Variants in MDGA2 observed in about 807,000 individuals in gnomAD.
The protein encoded by MDGA2 is MAM domain containing glycosylphosphatidylinositol anchor 2, also known as MAM domain-containing glycosylphosphatidylinositol anchor protein 2.
A neutral mutation model predicts 117.8 loss-of-function variants in MDGA2; 40 were observed. The observed-to-expected ratio is 0.34, with a 90% confidence interval of 0.26 to 0.44. MDGA2 has a LOEUF of 0.44. MDGA2 is among the 20% of genes least tolerant of loss of function. MDGA2 has a pLI of 1.00. For synonymous variants in MDGA2, 452 were observed against 439.0 expected, an observed-to-expected ratio of 1.03 and a Z score of -0.37; for missense variants, 1,123 against 1,250.6, an observed-to-expected ratio of 0.90 and a Z score of 1.54.
At chr14:47,435,426 A>AC (rs1892877649) in intron 1 of MDGA2, among the ~76,000 whole-genome samples, 1 of 152,040 alleles carries the variant, frequency 6.6e-6, no homozygotes, top group Non-Finnish European at 1.5e-5. Context: ...TTTCACCTGG[A>AC]CCCACACATC....
rs886852699 is a variant in MDGA2 at position 47,096,830 on chromosome 14, G to T, written c.1195+24C>A. 3.1e-6 allele frequency: 5 copies of T among 1,609,120 alleles called. No homozygotes were observed. In the African/African-American group the frequency reaches 6.7e-5, roughly 22 times the overall value. ...AGAGCCTAACCTAGGAATCTACGTTGTAACATTCTTTCAGCAAACTTACCT... is the reference window on the plus strand; with the variant it reads ...AGAGCCTAACCTAGGAATCTACGTTTTAACATTCTTTCAGCAAACTTACCT... On this transcript the variant is annotated intron_variant, in intron 6 of 16. Coordinates refer to ENST00000399232, the MANE Select transcript of MDGA2 (RefSeq NM_001113498.3).
chr14:47,309,835 G>A (rs1472200413), intron 1 of MDGA2, among the ~76,000 whole-genome samples: 1 of 151,960 alleles, frequency 6.6e-6, no homozygotes. Flanking sequence ...TCAAAAGAGA[G>A]CAATGACATT....
intron 8 of MDGA2, among the ~76,000 whole-genome samples, chr14:46,982,705 C>CAAAAAAAAAAAAAAAAAAA (rs59530070): frequency 8.7e-5 from 4 of 45,936 alleles, no homozygotes; most frequent in African/African-American, 3.8e-4. Context: ...GAGACTCCAT[C>CAAAAAAAAAAAAAAAAAAA]AAAAAAAAAA....
chr14:47,591,332 C>T (rs757665343), intron 1 of MDGA2, among the ~76,000 whole-genome samples: 2 of 151,896 alleles, frequency 1.3e-5, no homozygotes, highest in Non-Finnish European at 2.9e-5. Context: ...TTAGTTAAGA[C>T]AGCATGACAT....
intron 1 of MDGA2, among the ~76,000 whole-genome samples, chr14:47,483,423 T>G (rs1332345253): frequency 6.6e-6 from 1 of 152,128 alleles, no homozygotes; most frequent in South Asian, 2.1e-4. Flanking sequence ...CTTGCCTTTT[T>G]TATTTCTTTT....
chr14:47,088,264 G>GAAAA (rs60532467), intron 6 of MDGA2, among the ~76,000 whole-genome samples: 1 of 151,758 alleles, frequency 6.6e-6, no homozygotes, highest in Admixed American at 6.6e-5. Flanking sequence ...AGATAATAAT[G>GAAAA]CATTTTTGAG....
chr14:47,284,469 C>T (rs2139749190), intron 2 of MDGA2, among the ~76,000 whole-genome samples: 1 of 152,250 alleles, frequency 6.6e-6, no homozygotes, highest in East Asian at 1.9e-4. Flanking sequence ...TGGACTCAAG[C>T]CCATGGTTTC....
intron 10 of MDGA2, among the ~76,000 whole-genome samples, chr14:46,889,420 T>C (rs1027488883): frequency 3.3e-5 from 5 of 152,118 alleles, no homozygotes; most frequent in Non-Finnish European, 5.9e-5. Context: ...GAATCTTGTA[T>C]TATTTTTCTT....
intron 15 of MDGA2, among the ~76,000 whole-genome samples, chr14:46,851,820 T>C (rs1364755266): frequency 2.0e-5 from 3 of 151,780 alleles, no homozygotes; most frequent in Admixed American, 6.6e-5. Context: ...ATTGGTATCA[T>C]TGTTGTTATC....
At chr14:47,127,041 A>G (rs887527429) in intron 5 of MDGA2, among the ~76,000 whole-genome samples, 1 of 152,188 alleles carries the variant, frequency 6.6e-6, no homozygotes, top group East Asian at 1.9e-4. Context: ...TTGAAAGAAT[A>G]ATTTCTAAAG....
chr14:47,059,731 C>T (rs1274659263), intron 7 of MDGA2, among the ~76,000 whole-genome samples: 2 of 151,890 alleles, frequency 1.3e-5, no homozygotes, highest in Non-Finnish European at 2.9e-5. Flanking sequence ...AGCTTTGTGT[C>T]ACTGGTTCTG....
chr14:47,336,432 A>C (rs758840070), intron 1 of MDGA2, among the ~76,000 whole-genome samples: 5 of 151,980 alleles, frequency 3.3e-5, no homozygotes, highest in African/African-American at 4.8e-5. Flanking sequence ...CTGAGAAGAT[A>C]TGTTTAAGAG....
At chr14:47,069,091 T>C (rs898794048) in intron 6 of MDGA2, among the ~76,000 whole-genome samples, 6 of 152,186 alleles carry the variant, frequency 3.9e-5, no homozygotes, top group Non-Finnish European at 7.3e-5. Flanking sequence ...TTAACCCCAA[T>C]AATCCCTCAA....
intron 14 of MDGA2, among the ~76,000 whole-genome samples, chr14:46,868,148 G>T (rs1881852192): frequency 6.6e-6 from 1 of 151,768 alleles, no homozygotes; most frequent in African/African-American, 2.4e-5. Context: ...AATTTTACAG[G>T]GGTCAGTGTG....
intron 14 of MDGA2, among the ~76,000 whole-genome samples, chr14:46,864,545 G>GTTTTTTTTTTT (rs71112467): frequency 0.016 from 815 of 51,408 alleles, 140 homozygotes; most frequent in Non-Finnish European, 0.027. Context: ...AGATATTGCT[G>GTTTTTTTTTTT]TTTTTTTTTT....
intron 1 of MDGA2, among the ~76,000 whole-genome samples, chr14:47,379,355 T>C (rs1891554856): frequency 6.6e-6 from 1 of 152,166 alleles, no homozygotes; most frequent in Non-Finnish European, 1.5e-5. Flanking sequence ...CAGGATCAAA[T>C]TCATACATAA....
intron 6 of MDGA2, among the ~76,000 whole-genome samples, chr14:47,096,035 T>C (rs1879947807): frequency 6.6e-6 from 1 of 152,016 alleles, no homozygotes; most frequent in Admixed American, 6.6e-5. Flanking sequence ...GCCTCAGAAC[T>C]TCTTTCCATC....
chr14:47,305,587 T>C (rs1211902604), intron 1 of MDGA2, among the ~76,000 whole-genome samples: 3 of 152,162 alleles, frequency 2.0e-5, no homozygotes, highest in African/African-American at 7.2e-5. Flanking sequence ...AAATAAATTA[T>C]TCTACAATGG....
intron 8 of MDGA2, among the ~76,000 whole-genome samples, chr14:46,989,428 A>G (rs773568023): frequency 3.9e-5 from 6 of 152,144 alleles, no homozygotes; most frequent in Non-Finnish European, 7.4e-5. Flanking sequence ...CACAAAGTGG[A>G]AAGCTCATAA....
Sources: allele counts gnomAD v4.1 joint callset (sites outside exome capture counted in the v4.1 genomes callset), GRCh38; gene constraint gnomAD v4.1.1; transcripts MANE v1.5; gene names NCBI Gene and HGNC (gene_info 2026-07-23, HGNC 2026-07-21).